The following HMCN2 variants were observed in gnomAD, a reference collection of about 807,000 sequenced individuals.
The protein encoded by HMCN2 is hemicentin-2.
A neutral mutation model predicts 377.5 loss-of-function variants in HMCN2; 325 were observed. That is an observed-to-expected ratio of 0.86 (90% CI 0.79 to 0.94). HMCN2 has a LOEUF of 0.94. Among genes scored for constraint, HMCN2 ranks in the 40% least tolerant of loss-of-function variants. The pLI, the probability that HMCN2 is intolerant of heterozygous loss-of-function variation, is 0.00. For synonymous variants in HMCN2, 2,007 were observed against 2,046.8 expected (o/e 0.98, Z 0.53); for missense variants, 4,543 against 4,725.3 (o/e 0.96, Z 1.13).
At chr9:130,278,404 G>C (rs1174034196) in intron 1 of HMCN2, among the ~76,000 whole-genome samples, 4 of 151,944 alleles carry the variant, frequency 2.6e-5, no homozygotes, top group Admixed American at 2.6e-4. Flanking sequence ...GATTACAGGC[G>C]TGAGCCACCG....
At chr9:130,402,749 A>G (rs755699553) in intron 77 of HMCN2, 40 bp from the exon 78 acceptor site, 38 of 1,222,970 alleles carry the variant, frequency 3.1e-5, no homozygotes, top group Non-Finnish European at 4.1e-5. Flanking sequence ...ATCCCTGGGG[A>G]CCTCTGTCCT....
chr9:130,388,448 G>T lies in HMCN2; in HGVS notation c.9431G>T (p.Ser3144Ile). Reference protein sequence around the residue: ...TFENPKTETVSQVAGSPLVLT... With the variant: ...TFENPKTETVIQVAGSPLVLT... The stretch of plus-strand genomic sequence containing the variant: ...GAGAACCCCAAGACAGAGACAGTGA[G>T]CCAGGTGGCTGGGAGCCCCCTGGTC... The change falls in exon 62 of 98, where the codon AGC becomes ATC. Residue 3144 changes from serine to isoleucine, a missense_variant. Around this residue, in one of 5 missense-constraint regions of HMCN2, gnomAD observed 736 missense variants for 773.2 expected, o/e 0.95. Coordinates refer to ENST00000683500, the MANE Select transcript of HMCN2 (RefSeq NM_001291815.2). 1.0e-6 allele frequency: 1 copy of T among 988,032 alleles called. No homozygotes were observed. The highest frequency in any genetic ancestry group is 1.2e-6 in the Non-Finnish European group (1 of 830,112). 61.2% of individuals were successfully genotyped at this position (988,032 alleles called of 1,614,324 possible). A position where few individuals can be genotyped will look rare whatever the true frequency, so the allele number is the denominator to read the frequency against.
chr9:130,393,138 C>G lies in HMCN2; in HGVS notation c.10137-74C>G. 1 of 905,450 alleles carries G rather than the reference C, an allele frequency of 1.1e-6. No homozygotes were observed. Among genetic ancestry groups the G allele is most frequent in the Non-Finnish European group, 1.3e-6 (1 of 754,852 alleles). The allele number at this position is 905,450 out of a possible 1,614,324, so 56.1% of individuals were successfully genotyped here. A position where few individuals can be genotyped will look rare whatever the true frequency, so the allele number is the denominator to read the frequency against. Reference sequence around the variant, plus strand: ...TTTCCACGCAGCCAGCCTCTCCTGTCTCTCTCCCTTTCTCTTCCTCTCTCT... The same window carrying G: ...TTTCCACGCAGCCAGCCTCTCCTGTGTCTCTCCCTTTCTCTTCCTCTCTCT... On this transcript the variant is annotated intron_variant, in intron 66 of 97. Coordinates refer to ENST00000683500, the MANE Select transcript of HMCN2 (RefSeq NM_001291815.2). This position sits in a 1 kb window ranked among gnomAD's most constrained non-coding sequence, Gnocchi z 5.2.
intron 22 of HMCN2, among the ~76,000 whole-genome samples, chr9:130,333,473 T>G (rs1838536352): frequency 6.6e-6 from 1 of 152,196 alleles, no homozygotes; most frequent in African/African-American, 2.4e-5. Flanking sequence ...GACATCTGCG[T>G]GCGCCTCACT....
rs527592422 is a variant in HMCN2, at chr9:130,308,320, T to A, written c.2200+754T>A. Among the ~76,000 whole-genome samples the A allele has an allele frequency of 4.6e-5, 7 of 152,314 alleles. No individual in the cohort carries two copies. The highest frequency in any genetic ancestry group is 1.3e-4 in the Admixed American group (2 of 15,298). Reference sequence around the variant, plus strand: ...CTGTGCTTGGCATTCTTAGTGATAGTGCCGACGATAATGTGATTATCTGAA... The same window carrying A: ...CTGTGCTTGGCATTCTTAGTGATAGAGCCGACGATAATGTGATTATCTGAA... On this transcript the variant is annotated intron_variant, in intron 14 of 97. Transcript: ENST00000683500. This position sits in a 1 kb window ranked among gnomAD's most constrained non-coding sequence, Gnocchi z 4.1.
rs1164959513 is a variant in HMCN2 at position 130,353,036 on chromosome 9, C to G, written c.4695C>G (p.Thr1565=). ...EARGVPTPNI[T]WFKDGALLPT... is the part of the protein sequence containing the mutation. ...GAGGAGTGCCCACCCCAAACATCAC[C>G]TGGTTCAAGGACGGGGCCCTGCTCC... is the stretch of plus-strand genomic sequence containing the variant. Residue 1565 remains threonine (T), a synonymous_variant, in exon 31 of 98, where the codon ACC becomes ACG. Transcript: ENST00000683500. 7.7e-7 allele frequency: 1 copy of G among 1,304,230 alleles called. No homozygotes were observed. The highest frequency in any genetic ancestry group is 1.2e-5 in the South Asian group (1 of 81,024). 80.8% of individuals were successfully genotyped at this position (1,304,230 alleles called of 1,614,324 possible).
In HMCN2 at chr9:130,430,538, G is replaced by C. The variant is rs1844680371; in HGVS notation, c.14581G>C (p.Ala4861Pro). The C allele has an allele frequency of 6.4e-7, 1 of 1,550,612 alleles. No individual in the cohort carries two copies. The highest frequency in any genetic ancestry group is 1.4e-5 in the African/African-American group (1 of 73,192). Residue 4861 changes from alanine to proline, a missense_variant, in exon 95 of 98, where the codon GCC becomes CCC. Physicochemically the swap from Ala to Pro is conservative, Grantham distance 27. Around this residue, in one of 5 missense-constraint regions of HMCN2, gnomAD observed 1,155 missense variants for 1,157.7 expected, o/e 1.00. Transcript: ENST00000683500. The part of the protein sequence containing the change: ...AWVSLRPGPM[A>P]LSSVGRAWCP... ...GGTCTCTCTCCGTCCGGGTCCCATG[G>C]CCCTGAGCAGTGTGGGCCGGGCCTG...
intron 90 of HMCN2, 57 bp downstream of exon 90, chr9:130,425,981 G>A: frequency 3.8e-6 from 5 of 1,312,938 alleles, no homozygotes; most frequent in Non-Finnish European, 5.3e-6. Context: ...CTGCCAGGGG[G>A]CCCAAATGCA....
At position 130,427,367 on chromosome 9, in the gene HMCN2, T is replaced by C; in HGVS notation, c.13934T>C (p.Phe4645Ser). ...TTTGAGCTGGACTCCCAGGGAGCGT[T>C]TTGTGTGGGTGAGCGCCCCCAACCC... ...EGFELDSQGA[F>S]CVDRDECSGG... is the part of the protein sequence containing the mutation. The change falls in exon 91 of 98, where the codon TTT becomes TCT. Residue 4645 changes from phenylalanine (F) to serine (S), a missense_variant. Phe to Ser is a radical substitution (Grantham distance 155, BLOSUM62 -2). Coordinates refer to ENST00000683500, the MANE Select transcript of HMCN2 (RefSeq NM_001291815.2). 2 of 1,550,448 alleles carry C rather than the reference T, an allele frequency of 1.3e-6. No homozygotes were observed. Among genetic ancestry groups the C allele is most frequent in the Non-Finnish European group, 1.7e-6 (2 of 1,146,974 alleles).
intron 15 of HMCN2, among the ~76,000 whole-genome samples, chr9:130,319,193 CT>C (rs1286117971): frequency 6.6e-6 from 1 of 152,164 alleles, no homozygotes; most frequent in Non-Finnish European, 1.5e-5. Flanking sequence ...CTTGGAGGGG[CT>C]TCCTGGGAGG....
Position 130,391,225 on chromosome 9 carries a change from C to T in HMCN2, c.9689C>T (p.Ser3230Leu), listed in dbSNP as rs995419551. ...TCAGTGGCCCCCCGGATCCGGAGCTCGGGCGTGGCGCGGGAGCACCATGTC... is the reference window on the plus strand; with the variant it reads ...TCAGTGGCCCCCCGGATCCGGAGCTTGGGCGTGGCGCGGGAGCACCATGTC... ...AVLVAPRIRS[S>L]GVAREHHVLE... is the part of the protein sequence containing the mutation. The change falls in exon 64 of 98, where the codon TCG becomes TTG. Residue 3230 changes from serine (S) to leucine (L), a missense_variant. Physicochemically the swap from Ser to Leu is moderately radical, Grantham distance 145. Around this residue, in one of 5 missense-constraint regions of HMCN2, gnomAD observed 736 missense variants for 773.2 expected, o/e 0.95. Coordinates refer to ENST00000683500, the MANE Select transcript of HMCN2 (RefSeq NM_001291815.2). The T allele has an allele frequency of 1.8e-5, 18 of 987,864 alleles. No individual in the cohort carries two copies. Among genetic ancestry groups the T allele is most frequent in the South Asian group, 4.7e-5 (1 of 21,386 alleles). 61.2% of individuals were successfully genotyped at this position (987,864 alleles called of 1,614,324 possible). A position where few individuals can be genotyped will look rare whatever the true frequency, so the allele number is the denominator to read the frequency against.
chr9:130,357,035 T>C (rs148106491), intron 34 of HMCN2, among the ~76,000 whole-genome samples: 1 of 150,960 alleles, frequency 6.6e-6, no homozygotes, highest in Non-Finnish European at 1.5e-5. Flanking sequence ...GAAGGGTGGA[T>C]GAATGGGTGG....
At chr9:130,295,246 G>A (rs1836058024) in intron 5 of HMCN2, among the ~76,000 whole-genome samples, 1 of 152,124 alleles carries the variant, frequency 6.6e-6, no homozygotes, top group Non-Finnish European at 1.5e-5. Context: ...TTAAAGTAAT[G>A]GCGGTCCCTG....
intron 49 of HMCN2, among the ~76,000 whole-genome samples, 197 bp downstream of exon 49, chr9:130,374,890 G>C (rs1841290668): frequency 6.6e-6 from 1 of 152,200 alleles, no homozygotes; most frequent in Non-Finnish European, 1.5e-5. Flanking sequence ...AGGCCTGACT[G>C]AATCTTCACA....
At chr9:130,365,421 G>C (rs956142716) in intron 41 of HMCN2, among the ~76,000 whole-genome samples, 10 of 152,232 alleles carry the variant, frequency 6.6e-5, no homozygotes, top group African/African-American at 2.4e-4. Context: ...GACTGCCATC[G>C]AGGGGGCCCT....
intron 7 of HMCN2, among the ~76,000 whole-genome samples, chr9:130,298,747 A>G (rs941499599): frequency 4.6e-5 from 7 of 152,118 alleles, no homozygotes; most frequent in Non-Finnish European, 8.8e-5. Context: ...GTTCTACTCC[A>G]TGGGACTCCA....
chr9:130,364,605 T>C, intron 40 of HMCN2, 109 bp from the exon 41 acceptor site: 1 of 385,678 alleles, frequency 2.6e-6, no homozygotes, highest in Non-Finnish European at 3.6e-6. Flanking sequence ...AGAGGAAGGG[T>C]GGTCACTCCT....
intron 1 of HMCN2, among the ~76,000 whole-genome samples, chr9:130,272,847 T>C (rs931608682): frequency 6.6e-6 from 1 of 152,236 alleles, no homozygotes; most frequent in Non-Finnish European, 1.5e-5. Flanking sequence ...CCTGAACCAC[T>C]GCGCCTGGCC....
chr9:130,424,796 G>T lies in HMCN2; in HGVS notation c.13402G>T (p.Val4468Leu). 1.3e-6 allele frequency: 2 copies of T among 1,540,598 alleles called. No homozygotes were observed. Among genetic ancestry groups the T allele is most frequent in the Non-Finnish European group, 1.8e-6 (2 of 1,141,240 alleles). The change falls in exon 88 of 98, where the codon GTG becomes TTG. Residue 4468 changes from valine to leucine, a missense_variant. By Grantham distance (32) the Val-to-Leu change is conservative (BLOSUM62 1). Around this residue, in one of 5 missense-constraint regions of HMCN2, gnomAD observed 1,155 missense variants for 1,157.7 expected, o/e 1.00. Transcript: ENST00000683500. ...CCCAGGGCCTCTGATGCGGGTGCTC[G>T]TGGTCACCATCGCCCCCATCTACTG... ...ANVGPLMRVLVVTIAPIYWAL... is the reference protein window; with the variant it reads ...ANVGPLMRVLLVTIAPIYWAL...
Sources: allele counts gnomAD v4.1 joint callset (sites outside exome capture counted in the v4.1 genomes callset), GRCh38; gene constraint gnomAD v4.1.1; regional missense constraint gnomAD v4.1.1; non-coding constraint Gnocchi (gnomAD v3.1); transcripts MANE v1.5; gene names NCBI Gene and HGNC (gene_info 2026-07-23, HGNC 2026-07-21).